The following GARIN1A variants were observed in gnomAD, a reference collection of about 807,000 sequenced individuals.
GARIN1A encodes the protein golgi associated RAB2 interactor 1A.
At chr7:128,690,163 A>T in the GARIN1A span, among the ~76,000 whole-genome samples, 1 of 152,230 alleles carries the variant, frequency 6.6e-6, no homozygotes, top group African/African-American at 2.4e-5. Flanking sequence ...TAAATGGATT[A>T]AGGGCAGTGC....
At chr7:128,686,883 A>T in the GARIN1A span, 1 of 138,564 alleles carries the variant, frequency 7.2e-6, no homozygotes, top group African/African-American at 2.5e-5. Context: ...CTCAAAAAAA[A>T]AAAAAATATA....
chr7:128,692,899 C>CATGGCTTTTTTTG, the GARIN1A span, among the ~76,000 whole-genome samples: 1 of 152,166 alleles, frequency 6.6e-6, no homozygotes, highest in Non-Finnish European at 1.5e-5. Context: ...TCGAGAAATC[C>CATGGCTTTTTTTG]AAGACCATGG....
the GARIN1A span, chr7:128,686,867 T>G: frequency 6.3e-5 from 9 of 143,458 alleles, no homozygotes; most frequent in African/African-American, 2.3e-4. Context: ...CAGAGCAAGA[T>G]TCCATCTCAA....
At chr7:128,672,602 C>G in the GARIN1A span, 1 of 1,228,628 alleles carries the variant, frequency 8.1e-7, no homozygotes, top group Non-Finnish European at 1.1e-6. Context: ...AAAACCTGTT[C>G]CTAGGGGTTG....
chr7:128,685,458 A>G, the GARIN1A span: 3 of 152,240 alleles, frequency 2.0e-5, no homozygotes, highest in African/African-American at 4.8e-5. Context: ...TTCACATCCT[A>G]TGTGGTGCAG....
At chr7:128,697,523 G>C in the GARIN1A span, 4 of 150,660 alleles carry the variant, frequency 2.7e-5, no homozygotes, top group African/African-American at 9.8e-5. Flanking sequence ...TACTTGGATG[G>C]GAGATCGCCT....
the GARIN1A span, among the ~76,000 whole-genome samples, chr7:128,707,228 G>C: frequency 6.6e-6 from 1 of 151,412 alleles, no homozygotes; most frequent in Non-Finnish European, 1.5e-5. Context: ...GTATGTGTGT[G>C]TGTGTGTGTG....
At chr7:128,707,216 A>ATGTGTGTGTGTG in the GARIN1A span, among the ~76,000 whole-genome samples, 76 of 47,430 alleles carry the variant, frequency 1.6e-3, no homozygotes, top group African/African-American at 5.5e-3. Context: ...TATTGTGTGT[A>ATGTGTGTGTGTG]TGTATGTGTG....
the GARIN1A span, among the ~76,000 whole-genome samples, chr7:128,689,802 G>A: frequency 5.5e-5 from 7 of 127,352 alleles, no homozygotes; most frequent in African/African-American, 1.8e-4. Context: ...GTCAGCCCCC[G>A]CCCAGCCAGC....
At chr7:128,701,270 CAA>C in the GARIN1A span, among the ~76,000 whole-genome samples, 1 of 141,030 alleles carries the variant, frequency 7.1e-6, no homozygotes, top group Non-Finnish European at 1.5e-5. Flanking sequence ...AGCACTCAGG[CAA>C]AAGTTTTCTC....
the GARIN1A span, chr7:128,691,647 A>G: frequency 1.3e-5 from 2 of 152,246 alleles, no homozygotes; most frequent in Admixed American, 6.5e-5. Flanking sequence ...CCCACTGCTC[A>G]TTATATGCTC....
the GARIN1A span, chr7:128,683,374 G>A: frequency 4.9e-6 from 2 of 404,724 alleles, no homozygotes; most frequent in Admixed American, 8.5e-5. Flanking sequence ...GACTGACTGA[G>A]AACAGGAGCA....
the GARIN1A span, chr7:128,679,925 G>A: frequency 1.7e-6 from 1 of 593,840 alleles, no homozygotes; most frequent in African/African-American, 1.9e-5. Flanking sequence ...GGGTTAGGGT[G>A]TGAAACTCAA....
the GARIN1A span, chr7:128,677,515 A>AAAAAG: frequency 1.9e-4 from 283 of 1,463,528 alleles, 1 homozygote; most frequent in Non-Finnish European, 2.3e-4. Context: ...AAAAAAAAAA[A>AAAAAG]AAAAAGAAAC....
At chr7:128,689,340 C>G in the GARIN1A span, among the ~76,000 whole-genome samples, 2 of 151,834 alleles carry the variant, frequency 1.3e-5, no homozygotes, top group East Asian at 3.9e-4. Context: ...GGCCGCCATC[C>G]CATCTAGGAA....
At chr7:128,693,463 T>TAC in the GARIN1A span, 1 of 131,366 alleles carries the variant, frequency 7.6e-6, no homozygotes, top group African/African-American at 3.1e-5. Flanking sequence ...GTGCTGAAGC[T>TAC]TAAGTTCCAT....
At chr7:128,688,094 C>T in the GARIN1A span, among the ~76,000 whole-genome samples, 1 of 152,078 alleles carries the variant, frequency 6.6e-6, no homozygotes, top group Non-Finnish European at 1.5e-5. Flanking sequence ...TCACTGCAAC[C>T]TCCACCTCCC....
At chr7:128,682,391 G>T in the GARIN1A span, among the ~76,000 whole-genome samples, 1 of 152,194 alleles carries the variant, frequency 6.6e-6, no homozygotes, top group Non-Finnish European at 1.5e-5. Flanking sequence ...TTGAAGAGTT[G>T]TTTGTTCCTC....
At chr7:128,680,124 G>A in the GARIN1A span, 9 of 1,570,294 alleles carry the variant, frequency 5.7e-6, no homozygotes, top group African/African-American at 1.2e-4. Context: ...ACAGCTCTCA[G>A]GAAAGCCCCA....
Sources: gnomAD v4.1 joint callset for allele counts (sites outside exome capture counted in the v4.1 genomes callset) on GRCh38, gnomAD v4.1.1 for gene constraint, MANE v1.5 for transcripts, NCBI Gene and HGNC (gene_info 2026-07-23, HGNC 2026-07-21) for gene names.